Variants in NXPE4 observed in about 807,000 individuals in gnomAD.
NXPE4 encodes NXPE family member 4.
NXPE4 carries 42 observed loss-of-function variants against 33.3 expected under a neutral mutation model. The ratio of observed to expected loss-of-function variants is 1.26; its 90% CI spans 0.98 to 1.63. The LOEUF is 1.63. Among genes scored for constraint, NXPE4 ranks in the 40% most tolerant of loss-of-function variants. The pLI, the probability that NXPE4 is intolerant of heterozygous loss-of-function variation, is 0.00. For missense variants in NXPE4, 709 were observed against 647.6 expected (o/e 1.09, Z -1.03); for synonymous variants, 253 against 234.9 (o/e 1.08, Z -0.71).
At chr11:114,638,691 C>A in the NXPE4 span, among the ~76,000 whole-genome samples, 1 of 152,024 alleles carries the variant, frequency 6.6e-6, no homozygotes, top group South Asian at 2.1e-4. Context: ...CAGACAGGAC[C>A]GTCAGCTGCA....
At chr11:114,627,069 A>G in the NXPE4 span, among the ~76,000 whole-genome samples, 1 of 152,122 alleles carries the variant, frequency 6.6e-6, no homozygotes, top group African/African-American at 2.4e-5. Flanking sequence ...TGACGGGGTG[A>G]ATGGAACCAA....
At chr11:114,639,881 AAT>A in the NXPE4 span, among the ~76,000 whole-genome samples, 3 of 47,730 alleles carry the variant, frequency 6.3e-5, no homozygotes, top group East Asian at 5.0e-4. Flanking sequence ...TTAAATATAA[AAT>A]ATGTTATATA....
the NXPE4 span, among the ~76,000 whole-genome samples, chr11:114,652,919 T>A: frequency 5.3e-5 from 8 of 152,212 alleles, no homozygotes; most frequent in Non-Finnish European, 1.0e-4. Flanking sequence ...GAAATCCAGA[T>A]GATTATGTAA....
chr11:114,658,083 G>T, the NXPE4 span, among the ~76,000 whole-genome samples: 1 of 152,142 alleles, frequency 6.6e-6, no homozygotes, highest in Non-Finnish European at 1.5e-5. Flanking sequence ...GGACTTAGCT[G>T]CAAGAGGCAT....
At chr11:114,651,543 C>T in the NXPE4 span, among the ~76,000 whole-genome samples, 1 of 152,202 alleles carries the variant, frequency 6.6e-6, no homozygotes, top group African/African-American at 2.4e-5. Flanking sequence ...GAAAAGATTG[C>T]CACTGCTGGC....
the NXPE4 span, among the ~76,000 whole-genome samples, chr11:114,665,891 A>T: frequency 5.3e-5 from 8 of 152,262 alleles, no homozygotes; most frequent in South Asian, 1.7e-3. Flanking sequence ...CTTTGCTTGC[A>T]CTAAAATAGT....
chr11:114,632,784 T>A, the NXPE4 span, among the ~76,000 whole-genome samples: 1 of 220 alleles, frequency 4.5e-3, no homozygotes. Flanking sequence ...ATATATTATA[T>A]ATTATATAAT....
chr11:114,608,843 G>T, the NXPE4 span, among the ~76,000 whole-genome samples: 4 of 151,290 alleles, frequency 2.6e-5, no homozygotes, highest in Non-Finnish European at 5.9e-5. Flanking sequence ...TGGATAATAA[G>T]TGTTGCCTTG....
chr11:114,585,755 A>G (rs1949280484), intron 2 of NXPE4, among the ~76,000 whole-genome samples: 1 of 152,174 alleles, frequency 6.6e-6, no homozygotes, highest in East Asian at 1.9e-4. Context: ...AGGAGCCCCC[A>G]AATCATTTCT....
the NXPE4 span, among the ~76,000 whole-genome samples, chr11:114,622,725 C>A: frequency 6.6e-6 from 1 of 151,660 alleles, no homozygotes; most frequent in African/African-American, 2.4e-5. Flanking sequence ...TACGTGTTCC[C>A]TCGTGTGTAA....
At chr11:114,630,469 T>C in the NXPE4 span, among the ~76,000 whole-genome samples, 1 of 151,746 alleles carries the variant, frequency 6.6e-6, no homozygotes, top group Non-Finnish European at 1.5e-5. Flanking sequence ...TGGCTAGCCA[T>C]ATGTAGAAAG....
the NXPE4 span, among the ~76,000 whole-genome samples, chr11:114,603,112 T>A: frequency 2.6e-5 from 4 of 152,012 alleles, no homozygotes; most frequent in African/African-American, 9.6e-5. Flanking sequence ...GTCTCATAGG[T>A]AACTACTATT....
chr11:114,648,416 C>G, the NXPE4 span, among the ~76,000 whole-genome samples: 1,331 of 152,210 alleles, frequency 8.7e-3, 19 homozygotes, highest in African/African-American at 0.031. Context: ...TCTTACTCAG[C>G]GGAGGGTCAG....
chr11:114,599,541 G>A (rs1949614531), upstream of NXPE4, among the ~76,000 whole-genome samples: 1 of 152,150 alleles, frequency 6.6e-6, no homozygotes, highest in South Asian at 2.1e-4. Context: ...ATTTGAGACT[G>A]GGTAATTTAT....
the NXPE4 span, among the ~76,000 whole-genome samples, chr11:114,624,547 A>T: frequency 6.7e-6 from 1 of 149,890 alleles, no homozygotes; most frequent in East Asian, 2.0e-4. Context: ...ACTGTTACCT[A>T]GTGGATAATA....
At chr11:114,632,055 T>C in the NXPE4 span, among the ~76,000 whole-genome samples, 2 of 142,110 alleles carry the variant, frequency 1.4e-5, no homozygotes, top group East Asian at 3.9e-4. Context: ...AATTTAATAA[T>C]ATGTAAGAAT....
the NXPE4 span, among the ~76,000 whole-genome samples, chr11:114,630,363 A>G: frequency 1.3e-5 from 2 of 151,798 alleles, no homozygotes; most frequent in Non-Finnish European, 2.9e-5. Context: ...CTCAGAAATA[A>G]CACCACATTT....
the NXPE4 span, among the ~76,000 whole-genome samples, chr11:114,665,376 C>T: frequency 4.6e-5 from 7 of 152,194 alleles, no homozygotes; most frequent in South Asian, 1.2e-3. Context: ...CTGAACTTGT[C>T]CAAAGTTTTA....
the NXPE4 span, among the ~76,000 whole-genome samples, chr11:114,662,927 G>A: frequency 6.6e-6 from 1 of 152,132 alleles, no homozygotes; most frequent in African/African-American, 2.4e-5. Context: ...GGCCTTGGGT[G>A]AGCCTATGAG....
Sources: gnomAD v4.1 joint callset for allele counts (sites outside exome capture counted in the v4.1 genomes callset) on GRCh38, gnomAD v4.1.1 for gene constraint, MANE v1.5 for transcripts, NCBI Gene and HGNC (gene_info 2026-07-23, HGNC 2026-07-21) for gene names.